Variants in DAB1 observed in about 807,000 individuals in gnomAD.
DAB1 encodes disabled homolog 1.
DAB1 carries 15 observed loss-of-function variants against 64.6 expected under a neutral mutation model. That is an observed-to-expected ratio of 0.23 (90% CI 0.16 to 0.36). The LOEUF is 0.36. Among genes scored for constraint, DAB1 ranks in the 10% least tolerant of loss-of-function variants. DAB1 has a pLI of 1.00. For missense variants in DAB1, 596 were observed against 706.7 expected (o/e 0.84, Z 1.78); for synonymous variants, 235 against 251.9 (o/e 0.93, Z 0.64).
intron 4 of DAB1, among the ~76,000 whole-genome samples, chr1:58,276,277 A>T (rs1661440830): frequency 6.6e-6 from 1 of 152,198 alleles, no homozygotes; most frequent in African/African-American, 2.4e-5. Context: ...CTGTACACTT[A>T]AATATGTTAA....
At chr1:57,721,901 C>T (rs1159569402) in intron 6 of DAB1, among the ~76,000 whole-genome samples, 1 of 152,110 alleles carries the variant, frequency 6.6e-6, no homozygotes, top group African/African-American at 2.4e-5. Context: ...ATTATGATTC[C>T]CATTACAAAG....
intron 7 of DAB1, among the ~76,000 whole-genome samples, chr1:57,538,577 C>T (rs1173020625): frequency 6.6e-6 from 1 of 152,140 alleles, no homozygotes; most frequent in Admixed American, 6.5e-5. Context: ...TGGAGATGGA[C>T]GCTTGGAGCT....
At chr1:57,227,383 TGA>T (rs1038639955) in intron 2 of DAB1, among the ~76,000 whole-genome samples, 3 of 152,136 alleles carry the variant, frequency 2.0e-5, no homozygotes, top group African/African-American at 7.2e-5. Flanking sequence ...TATAGTCTAA[TGA>T]GAGAGAGAGA....
chr1:58,322,695 A>T (rs1435714557), intron 4 of DAB1, among the ~76,000 whole-genome samples: 2 of 152,204 alleles, frequency 1.3e-5, no homozygotes, highest in East Asian at 3.9e-4. Flanking sequence ...TTCCTCAAGG[A>T]TCTAGAACTA....
At chr1:57,853,021 T>A (rs578008562) in intron 1 of DAB1, among the ~76,000 whole-genome samples, 1 of 152,168 alleles carries the variant, frequency 6.6e-6, no homozygotes, top group South Asian at 2.1e-4. Context: ...CCACAGTTTA[T>A]CCTTTTTTTG....
intron 7 of DAB1, among the ~76,000 whole-genome samples, chr1:57,562,899 C>A (rs2101510307): frequency 6.6e-6 from 1 of 152,262 alleles, no homozygotes; most frequent in South Asian, 2.1e-4. Context: ...GGGTGATTGA[C>A]CCAGACTATC....
chr1:58,500,974 A>G (rs180730726), intron 3 of DAB1, among the ~76,000 whole-genome samples: 253 of 152,336 alleles, frequency 1.7e-3, no homozygotes, highest in Non-Finnish European at 2.4e-3. Flanking sequence ...CAGTGTAACT[A>G]TAATTTTAAA....
At chr1:57,159,464 C>T (rs1660534893) in intron 2 of DAB1, among the ~76,000 whole-genome samples, 1 of 152,156 alleles carries the variant, frequency 6.6e-6, no homozygotes, top group South Asian at 2.1e-4. Flanking sequence ...AAGCCAGGCC[C>T]TACAATCTCC....
intron 3 of DAB1, among the ~76,000 whole-genome samples, chr1:58,364,037 A>C (rs1422940845): frequency 6.6e-6 from 1 of 152,192 alleles, no homozygotes; most frequent in Non-Finnish European, 1.5e-5. Context: ...TCACTTTATG[A>C]CCCAGGCAGA....
chr1:57,775,945 T>C (rs570586202), intron 6 of DAB1, among the ~76,000 whole-genome samples: 6 of 151,882 alleles, frequency 4.0e-5, no homozygotes, highest in East Asian at 1.9e-4. Flanking sequence ...TATGTTTTTA[T>C]AATTATGAAA....
chr1:58,124,217 C>T (rs1012330140), intron 5 of DAB1, among the ~76,000 whole-genome samples: 5 of 151,026 alleles, frequency 3.3e-5, no homozygotes, highest in African/African-American at 9.7e-5. Context: ...TACACACACA[C>T]ATATATATAT....
At chr1:57,052,129 T>A (rs980666771) in intron 9 of DAB1, among the ~76,000 whole-genome samples, 2 of 25,608 alleles carry the variant, frequency 7.8e-5, no homozygotes, top group East Asian at 1.4e-3. Context: ...AGGGTTGTGA[T>A]TACTGGGGGC....
In DAB1 at chr1:58,217,576, A is replaced by C. The variant is rs532834633; in HGVS notation, n.310-66988T>G. Among the ~76,000 whole-genome samples the C allele has an allele frequency of 4.6e-5, 7 of 152,336 alleles. No homozygotes were observed. The South Asian group carries it at 1.4e-3, about 32-fold the overall frequency. ...CTTGTCAAGTAATTCTGGAGGTCCC[A>C]GTGTTTGCCAACAGCCATGATAGGA... is the stretch of plus-strand genomic sequence containing the variant. On this transcript the variant is annotated intron_variant and non_coding_transcript_variant, in intron 4 of 20. Transcript: ENST00000485760.
intron 4 of DAB1, among the ~76,000 whole-genome samples, chr1:58,259,227 T>A (rs1320081164): frequency 2.0e-5 from 3 of 152,140 alleles, no homozygotes; most frequent in African/African-American, 7.2e-5. Context: ...GATGGAGCAG[T>A]GTGCACATGC....
intron 1 of DAB1, among the ~76,000 whole-genome samples, chr1:57,333,683 T>C (rs1676861511): frequency 6.6e-6 from 1 of 152,258 alleles, no homozygotes. Context: ...GATTTATCTG[T>C]AGATTGCAGA....
intron 1 of DAB1, among the ~76,000 whole-genome samples, chr1:57,860,190 T>A (rs1569862979): frequency 1.3e-5 from 2 of 152,238 alleles, no homozygotes; most frequent in Admixed American, 1.3e-4. Context: ...AGAAAAAAAA[T>A]TGTATTTTCA....
At chr1:57,509,527 C>T (rs1460860419) in intron 7 of DAB1, among the ~76,000 whole-genome samples, 1 of 152,118 alleles carries the variant, frequency 6.6e-6, no homozygotes, top group Non-Finnish European at 1.5e-5. Context: ...TCATTTTCCT[C>T]TCACCTCTCA....
chr1:58,542,246 T>A (rs1346176055), intron 1 of DAB1, among the ~76,000 whole-genome samples: 1 of 152,254 alleles, frequency 6.6e-6, no homozygotes, highest in African/African-American at 2.4e-5. Flanking sequence ...CAAGATACTT[T>A]GTTTTTACTT....
chr1:58,481,186 TAATAA>T lies in DAB1; in HGVS notation n.257+24869_257+24873del, dbSNP rs566759819. 1,458 of 779,506 alleles carry T rather than the reference TAATAA, an allele frequency of 1.9e-3. 10 individuals carry two copies. The highest frequency in any genetic ancestry group is 7.9e-3 in the Middle Eastern group (25 of 3,170). 48.3% of individuals were successfully genotyped at this position (779,506 alleles called of 1,614,324 possible). ...CTAATTTTGAGAGCCTATAAAGAAA[TAATAA>T]AATAAAAAAATACTATATATATACA... On this transcript the variant is annotated intron_variant and non_coding_transcript_variant, in intron 3 of 20. Coordinates refer to the DAB1 transcript ENST00000485760.
Sources: allele counts gnomAD v4.1 joint callset (sites outside exome capture counted in the v4.1 genomes callset), GRCh38; gene constraint gnomAD v4.1.1; transcripts MANE v1.5; gene names NCBI Gene and HGNC (gene_info 2026-07-23, HGNC 2026-07-21).